SPIDR: variants seen among roughly 807,000 people sequenced by gnomAD.
SPIDR encodes scaffold protein involved in DNA repair, also known as DNA repair-scaffolding protein.
In SPIDR, 93 loss-of-function variants were observed where a neutral mutation model predicts 104.6. That is an observed-to-expected ratio of 0.89 (90% CI 0.75 to 1.06). The LOEUF (loss-of-function observed/expected upper bound fraction) is 1.06. Among genes scored for constraint, SPIDR ranks in the 50% least tolerant of loss-of-function variants. The pLI is 0.00. For missense variants in SPIDR, 1,154 were observed against 1,111.2 expected, an observed-to-expected ratio of 1.04 and a Z score of -0.55; for synonymous variants, 431 against 416.9, an observed-to-expected ratio of 1.03 and a Z score of -0.41.
At chr8:47,353,716 T>A (rs1234602273) in intron 5 of SPIDR, among the ~76,000 whole-genome samples, 1 of 152,192 alleles carries the variant, frequency 6.6e-6, no homozygotes, top group Non-Finnish European at 1.5e-5. Context: ...AGATTTTTTT[T>A]TTTTTTTTAG....
At chr8:47,571,577 A>G (rs543223503) in intron 8 of SPIDR, among the ~76,000 whole-genome samples, 3 of 152,360 alleles carry the variant, frequency 2.0e-5, no homozygotes, top group African/African-American at 7.2e-5. Context: ...TTTAATTAAT[A>G]TATAAAATAC....
chr8:47,288,560 G>A (rs2039302880), intron 3 of SPIDR, among the ~76,000 whole-genome samples: 1 of 152,202 alleles, frequency 6.6e-6, no homozygotes, highest in Non-Finnish European at 1.5e-5. Flanking sequence ...TAGGATTACA[G>A]GCGTGAGCCA....
intron 8 of SPIDR, among the ~76,000 whole-genome samples, chr8:47,526,218 G>A (rs1159221370): frequency 6.6e-6 from 1 of 152,080 alleles, no homozygotes; most frequent in South Asian, 2.1e-4. Context: ...TGATGCCTGG[G>A]GTCAGCAAGT....
chr8:47,703,188 A>G (rs1179255791), intron 14 of SPIDR, among the ~76,000 whole-genome samples: 5 of 152,234 alleles, frequency 3.3e-5, no homozygotes, highest in African/African-American at 9.6e-5. Context: ...ATACAACCCA[A>G]TTCAGCTGCC....
chr8:47,263,313 C>G (rs768142557), intron 1 of SPIDR, among the ~76,000 whole-genome samples: 2 of 152,324 alleles, frequency 1.3e-5, no homozygotes, highest in Middle Eastern at 6.8e-3. Context: ...CGTCACTGTA[C>G]TTGCTTGCCC....
At chr8:47,406,196 T>C (rs2062734988) in intron 6 of SPIDR, among the ~76,000 whole-genome samples, 1 of 152,170 alleles carries the variant, frequency 6.6e-6, no homozygotes, top group Non-Finnish European at 1.5e-5. Context: ...CTTGTATTTA[T>C]TGTGCATATC....
At chr8:47,636,239 A>T (rs1228903748) in intron 10 of SPIDR, among the ~76,000 whole-genome samples, 1 of 152,176 alleles carries the variant, frequency 6.6e-6, no homozygotes, top group African/African-American at 2.4e-5. Context: ...GACACCACCA[A>T]CCACACCTAT....
At chr8:47,330,199 C>A (rs1466921677) in intron 5 of SPIDR, among the ~76,000 whole-genome samples, 2 of 141,318 alleles carry the variant, frequency 1.4e-5, no homozygotes, top group Non-Finnish European at 3.1e-5. Flanking sequence ...TCTTAAGGTG[C>A]TTTTTTTTTT....
intron 8 of SPIDR, among the ~76,000 whole-genome samples, chr8:47,459,184 T>A (rs560741290): frequency 2.0e-5 from 3 of 152,276 alleles, no homozygotes; most frequent in African/African-American, 4.8e-5. Context: ...TGCCTCTTTC[T>A]CTATCTTGTG....
At chr8:47,326,973 G>T (rs1240270244) in intron 5 of SPIDR, among the ~76,000 whole-genome samples, 1 of 152,286 alleles carries the variant, frequency 6.6e-6, no homozygotes, top group Non-Finnish European at 1.5e-5. Flanking sequence ...GAGTGAAATT[G>T]CTGGACTATA....
intron 8 of SPIDR, among the ~76,000 whole-genome samples, chr8:47,545,113 TTC>T (rs1291266136): frequency 1.0e-5 from 1 of 98,946 alleles, no homozygotes; most frequent in Admixed American, 1.4e-4. Context: ...CTTTCTTTCT[TTC>T]TTTCTTTTTT....
intron 8 of SPIDR, among the ~76,000 whole-genome samples, chr8:47,484,068 G>A (rs1317072139): frequency 3.9e-5 from 6 of 152,108 alleles, no homozygotes; most frequent in African/African-American, 7.2e-5. Context: ...TTGATTGAAC[G>A]GGTTCTCAGG....
chr8:47,350,264 G>T (rs1056820658), intron 5 of SPIDR, among the ~76,000 whole-genome samples: 1 of 152,164 alleles, frequency 6.6e-6, no homozygotes, highest in African/African-American at 2.4e-5. Flanking sequence ...TAAGATTAGC[G>T]ATTTTAAACC....
At chr8:47,438,272 G>A (rs1312880116) in intron 7 of SPIDR, among the ~76,000 whole-genome samples, 1 of 152,146 alleles carries the variant, frequency 6.6e-6, no homozygotes, top group African/African-American at 2.4e-5. Context: ...GAGGTTTCAG[G>A]CCTGTGCATT....
At chr8:47,608,542 C>T (rs963106080) in intron 10 of SPIDR, among the ~76,000 whole-genome samples, 5 of 152,146 alleles carry the variant, frequency 3.3e-5, no homozygotes, top group South Asian at 2.1e-4. Context: ...AGTGGCTACA[C>T]GATTTTACAT....
chr8:47,411,501 G>A (rs2063519915), intron 7 of SPIDR, among the ~76,000 whole-genome samples: 1 of 151,944 alleles, frequency 6.6e-6, no homozygotes, highest in African/African-American at 2.4e-5. Context: ...ACTTGTTGAT[G>A]GGGTTGTTTT....
At chr8:47,491,305 G>A (rs1397529711) in intron 8 of SPIDR, among the ~76,000 whole-genome samples, 1 of 151,776 alleles carries the variant, frequency 6.6e-6, no homozygotes, top group Non-Finnish European at 1.5e-5. Context: ...GTTTCTGTCA[G>A]TATATGGAAT....
chr8:47,602,340 C>G (rs2062400666), intron 10 of SPIDR, among the ~76,000 whole-genome samples: 1 of 152,248 alleles, frequency 6.6e-6, no homozygotes, highest in South Asian at 2.1e-4. Context: ...AGCTCTAAGT[C>G]TGGTCTCCTT....
intron 11 of SPIDR, among the ~76,000 whole-genome samples, chr8:47,693,260 A>AATT (rs1487603482): frequency 6.6e-6 from 1 of 152,242 alleles, no homozygotes; most frequent in Non-Finnish European, 1.5e-5. Context: ...TTTACTCCTT[A>AATT]ATTATATACC....
Sources: gnomAD v4.1 joint callset for allele counts (sites outside exome capture counted in the v4.1 genomes callset) on GRCh38, gnomAD v4.1.1 for gene constraint, MANE v1.5 for transcripts, NCBI Gene and HGNC (gene_info 2026-07-23, HGNC 2026-07-21) for gene names.